The following WDR7 variants were observed in gnomAD, a reference collection of about 807,000 sequenced individuals.
WDR7 encodes the protein WD repeat-containing protein 7.
WDR7 carries 46 observed loss-of-function variants against 169.4 expected under a neutral mutation model. The observed-to-expected ratio is 0.27, with a 90% CI of 0.21 to 0.35. The LOEUF (loss-of-function observed/expected upper bound fraction) is 0.35. Ranked by LOEUF, WDR7 falls within the 10% of genes least tolerant of loss-of-function variation. The pLI is 1.00. For synonymous variants in WDR7, 612 were observed against 666.8 expected (o/e 0.92, Z 1.27); for missense variants, 1,534 against 1,859.3 (o/e 0.83, Z 3.22).
chr18:56,709,629 C>T (rs1449148897), intron 12 of WDR7, among the ~76,000 whole-genome samples: 3 of 152,086 alleles, frequency 2.0e-5, no homozygotes, highest in Non-Finnish European at 4.4e-5. Flanking sequence ...TGGCAGAGCT[C>T]GAATTTGATC....
intron 12 of WDR7, among the ~76,000 whole-genome samples, chr18:56,706,100 G>A (rs1183606209): frequency 6.6e-6 from 1 of 152,152 alleles, no homozygotes; most frequent in African/African-American, 2.4e-5. Flanking sequence ...AGCCTACTTA[G>A]GTAGGGAAGA....
intron 20 of WDR7, among the ~76,000 whole-genome samples, chr18:56,858,736 C>T (rs2045758842): frequency 6.6e-6 from 1 of 152,086 alleles, no homozygotes; most frequent in Admixed American, 6.5e-5. Context: ...AGGCTTGATT[C>T]ATTAATTCAA....
At chr18:56,662,535 G>A (rs1293146386) in intron 1 of WDR7, among the ~76,000 whole-genome samples, 1 of 152,206 alleles carries the variant, frequency 6.6e-6, no homozygotes, top group Non-Finnish European at 1.5e-5. Flanking sequence ...AGGTAGCATT[G>A]TTGCTCATAG....
chr18:56,827,142 G>A (rs576916957), intron 20 of WDR7, among the ~76,000 whole-genome samples: 1 of 152,270 alleles, frequency 6.6e-6, no homozygotes, highest in East Asian at 1.9e-4. Context: ...GAAATAATTA[G>A]CTGTGGAGGG....
At chr18:56,934,364 A>T (rs974808043) in intron 22 of WDR7, among the ~76,000 whole-genome samples, 5 of 152,026 alleles carry the variant, frequency 3.3e-5, no homozygotes, top group African/African-American at 9.7e-5. Flanking sequence ...ACCTCTTTCC[A>T]GCTCCTACTG....
intron 16 of WDR7, 28 bp from the exon 17 acceptor site, chr18:56,776,754 C>G (rs1371603212): frequency 1.9e-6 from 3 of 1,600,780 alleles, no homozygotes; most frequent in Non-Finnish European, 2.6e-6. Context: ...ATTCTCTCCT[C>G]TTTACTTCTT....
chr18:56,754,406 C>CGTATATATGTGT (rs2043849648), intron 14 of WDR7, among the ~76,000 whole-genome samples: 1 of 125,126 alleles, frequency 8.0e-6, no homozygotes, highest in Non-Finnish European at 1.7e-5. Context: ...TATATATACA[C>CGTATATATGTGT]ATATATACAC....
At chr18:56,873,618 G>A (rs978934286) in intron 20 of WDR7, 2 of 152,256 alleles carry the variant, frequency 1.3e-5, no homozygotes, top group African/African-American at 2.4e-5. Flanking sequence ...GAGGCTGAAC[G>A]GCTGGGGTCA....
chr18:56,876,007 C>T (rs2046017083), intron 20 of WDR7, among the ~76,000 whole-genome samples: 1 of 152,174 alleles, frequency 6.6e-6, no homozygotes, highest in South Asian at 2.1e-4. Context: ...ATGAATCTAA[C>T]ATCACCACCT....
intron 24 of WDR7, 126 bp downstream of exon 24, chr18:56,938,808 A>AGTTTGTGT: frequency 7.6e-6 from 5 of 660,564 alleles, no homozygotes; most frequent in East Asian, 3.6e-5. Context: ...AGAAAGAATG[A>AGTTTGTGT]GTGTGTGTGT....
intron 10 of WDR7, 31 bp downstream of exon 10, chr18:56,694,791 A>C (rs1301086815): frequency 6.3e-7 from 1 of 1,577,698 alleles, no homozygotes; most frequent in East Asian, 2.3e-5. Context: ...ACAATTTCTT[A>C]ATTAATTTAA....
chr18:56,695,343 GC>G, intron 11 of WDR7, 145 bp downstream of exon 11: 1 of 981,328 alleles, frequency 1.0e-6, no homozygotes, highest in Non-Finnish European at 1.5e-6. Context: ...AGAGTTTAAT[GC>G]ACAGATAAAA....
At chr18:56,853,510 A>G (rs976193745) in intron 20 of WDR7, among the ~76,000 whole-genome samples, 2 of 152,114 alleles carry the variant, frequency 1.3e-5, no homozygotes, top group Non-Finnish European at 2.9e-5. Context: ...GTCTTGTTTT[A>G]TTTTCTAATT....
chr18:57,031,062 C>T (rs1026727863), downstream of WDR7: 6 of 152,274 alleles, frequency 3.9e-5, no homozygotes, highest in East Asian at 7.7e-4. Context: ...TGCTTCTGTA[C>T]ACCTTTTGGC....
chr18:56,658,239 G>A lies in WDR7; in HGVS notation c.-20+6663G>A, dbSNP rs190801421. Among the ~76,000 whole-genome samples the A allele has an allele frequency of 2.6e-5, 4 of 152,166 alleles. No homozygotes were observed. In the East Asian group the frequency reaches 7.7e-4, roughly 29 times the overall value. ...CTGCCTCAGCCTCCCAAGTAGCTGGGATTACAGGTGTGCACCACCACACCC... is the reference window on the plus strand; with the variant it reads ...CTGCCTCAGCCTCCCAAGTAGCTGGAATTACAGGTGTGCACCACCACACCC... On this transcript the variant is annotated intron_variant, in intron 1 of 27. Transcript: ENST00000254442.
intron 27 of WDR7, among the ~76,000 whole-genome samples, chr18:57,023,859 T>A (rs2048322942): frequency 6.6e-6 from 1 of 152,180 alleles, no homozygotes; most frequent in Non-Finnish European, 1.5e-5. Context: ...AGATACTGGT[T>A]TCGTTTATTT....
At chr18:56,747,487 G>A (rs2043722982) in intron 14 of WDR7, among the ~76,000 whole-genome samples, 1 of 152,174 alleles carries the variant, frequency 6.6e-6, no homozygotes, top group Admixed American at 6.5e-5. Context: ...ACAACCAGCT[G>A]GAGAGGGCAT....
At chr18:56,800,424 G>A (rs554541958) in intron 19 of WDR7, among the ~76,000 whole-genome samples, 2 of 151,948 alleles carry the variant, frequency 1.3e-5, no homozygotes, top group African/African-American at 2.4e-5. Context: ...TGCTTACTTA[G>A]TTTTCTCTGA....
chr18:56,974,186 ATG>A (rs759343070), intron 26 of WDR7, among the ~76,000 whole-genome samples: 3 of 152,108 alleles, frequency 2.0e-5, no homozygotes, highest in Admixed American at 6.5e-5. Flanking sequence ...ACCTAATTTC[ATG>A]TGTGTACATA....
Sources: allele counts gnomAD v4.1 joint callset (sites outside exome capture counted in the v4.1 genomes callset), GRCh38; gene constraint gnomAD v4.1.1; transcripts MANE v1.5; gene names NCBI Gene and HGNC (gene_info 2026-07-23, HGNC 2026-07-21).